FOXN4: variants seen among roughly 807,000 people sequenced by gnomAD.
FOXN4 encodes forkhead box N4.
In FOXN4, 12 loss-of-function variants were observed where a neutral mutation model predicts 45.0. The ratio of observed to expected loss-of-function variants is 0.27; its 90% CI spans 0.17 to 0.43. FOXN4 has a LOEUF of 0.43. Among genes scored for constraint, FOXN4 ranks in the 20% least tolerant of loss-of-function variants. FOXN4 has a pLI of 1.00. For missense variants in FOXN4, 560 were observed against 694.9 expected, an observed-to-expected ratio of 0.81 and a Z score of 2.18; for synonymous variants, 297 against 295.0, an observed-to-expected ratio of 1.01 and a Z score of -0.07.
Position 109,300,865 on chromosome 12 carries a change from C to T in FOXN4, c.86+7371G>A, listed in dbSNP as rs138423572. Among the ~76,000 whole-genome samples, 177 of 152,170 alleles carry T rather than the reference C, an allele frequency of 1.2e-3. 1 individual carries two copies. The highest frequency in any genetic ancestry group is 9.8e-4 in the Admixed American group (15 of 15,288). Reference sequence around the variant, plus strand: ...TTGAGGCTGCAGTGAGTTCTGATTACGCTGCTGCACTCCAGCCTGGGGGAC... The same window carrying T: ...TTGAGGCTGCAGTGAGTTCTGATTATGCTGCTGCACTCCAGCCTGGGGGAC... On this transcript the variant is annotated intron_variant, in intron 2 of 9. Transcript: ENST00000299162.
chr12:109,281,188 G>A (rs1211774010), intron 9 of FOXN4, among the ~76,000 whole-genome samples: 2 of 152,196 alleles, frequency 1.3e-5, no homozygotes, highest in African/African-American at 4.8e-5. Context: ...CTGCTCCAAC[G>A]AGCATGACAT....
chr12:109,284,863 C>G (rs999795937), intron 8 of FOXN4, among the ~76,000 whole-genome samples: 1 of 148,542 alleles, frequency 6.7e-6, no homozygotes, highest in Non-Finnish European at 1.5e-5. Context: ...GGTCCTTCCT[C>G]TTCTGCGTGT....
intron 8 of FOXN4, among the ~76,000 whole-genome samples, chr12:109,283,765 C>T (rs866289204): frequency 2.0e-5 from 3 of 152,184 alleles, no homozygotes; most frequent in African/African-American, 7.2e-5. Flanking sequence ...CATGAGCCAC[C>T]GCACCCGGCC....
chr12:109,299,325 G>A (rs1481417157), intron 2 of FOXN4, among the ~76,000 whole-genome samples: 3 of 151,960 alleles, frequency 2.0e-5, no homozygotes, highest in Admixed American at 1.3e-4. Context: ...ACACACGCAC[G>A]CATGCACACT....
rs267603293 is a variant in FOXN4, at chr12:109,285,491, C to T, written c.714G>A (p.Lys238=). ...PYFKTAPDGW[K]NSVRHNLSLN... is the part of the protein sequence containing the mutation. ...GAGACAGGTTGTGCCGCACCGAGTT[C>T]TTCCACCCGTCGGGGGCCGTCTATG... Residue 238 remains lysine, a synonymous_variant, in exon 8 of 10, where the codon AAG becomes AAA. Coordinates refer to ENST00000299162, the MANE Select transcript of FOXN4 (RefSeq NM_213596.3). The T allele has an allele frequency of 6.2e-7, 1 of 1,614,062 alleles. No individual in the cohort carries two copies. The highest frequency in any genetic ancestry group is 8.5e-7 in the Non-Finnish European group (1 of 1,179,946).
At chr12:109,304,052 G>A (rs565464855) in intron 2 of FOXN4, among the ~76,000 whole-genome samples, 4 of 151,706 alleles carry the variant, frequency 2.6e-5, no homozygotes, top group Admixed American at 1.3e-4. Context: ...TTAGCTGGGC[G>A]TGGTGATGGG....
Position 109,279,433 on chromosome 12 carries a change from C to A in FOXN4, c.*238G>T, listed in dbSNP as rs1242856883. The A allele has an allele frequency of 1.8e-5, 11 of 603,442 alleles. No homozygotes were observed. The African/African-American group carries it at 2.0e-4, about 11-fold the overall frequency. 37.4% of individuals were successfully genotyped at this position (603,442 alleles called of 1,614,324 possible). ...GGATGCTGGGTTGCTTGTCCACCTT[C>A]CTCCATTCTTCTGACTTGGAAGAGC... On this transcript the variant is annotated 3_prime_UTR_variant, in exon 10 of 10. Coordinates refer to ENST00000299162, the MANE Select transcript of FOXN4 (RefSeq NM_213596.3).
chr12:109,289,696 A>AG (rs1715362554), intron 3 of FOXN4, among the ~76,000 whole-genome samples: 1 of 152,196 alleles, frequency 6.6e-6, no homozygotes, highest in South Asian at 2.1e-4. Flanking sequence ...CCTCTTGATC[A>AG]GGGGGCAGCA....
chr12:109,305,719 C>T (rs879044425), intron 2 of FOXN4, among the ~76,000 whole-genome samples: 2 of 152,062 alleles, frequency 1.3e-5, no homozygotes, highest in Non-Finnish European at 2.9e-5. Flanking sequence ...GACAGAGTGA[C>T]TCACACACAC....
rs2047750711 is a variant in FOXN4, at chr12:109,290,001, C to A, written c.232+140G>T. 9.7e-7 allele frequency: 1 copy of A among 1,035,292 alleles called. No homozygotes were observed. Among genetic ancestry groups the A allele is most frequent in the Non-Finnish European group, 1.3e-6 (1 of 750,268 alleles). 64.1% of individuals were successfully genotyped at this position (1,035,292 alleles called of 1,614,324 possible). On this transcript the variant is annotated intron_variant, in intron 3 of 9. Transcript: ENST00000299162. The surrounding 1 kb of genome is among the most constrained non-coding windows in gnomAD (Gnocchi z 5.1). ...TCTCTCTAAGGAAGGGAGCATTTGT[C>A]CCATTTTACAGATGCAGAAAGAGAG... is the stretch of plus-strand genomic sequence containing the variant.
At chr12:109,286,968 G>C in intron 6 of FOXN4, 1 of 1,180,022 alleles carries the variant, frequency 8.5e-7, no homozygotes, top group Non-Finnish European at 1.1e-6. Context: ...GTACTGACTT[G>C]AGAAATCTTA....
At position 109,279,698 on chromosome 12, in the gene FOXN4, C is replaced by T; in HGVS notation, c.1527G>A (p.Gln509=). 6.4e-7 allele frequency: 1 copy of T among 1,574,054 alleles called. No homozygotes were observed. Among genetic ancestry groups the T allele is most frequent in the Non-Finnish European group, 8.6e-7 (1 of 1,160,604 alleles). ...AAAGCAGGGCTATAGGCTTGTTCCCCTGTGCACCCAGGTACTGGGAGGAGG... is the reference window on the plus strand; with the variant it reads ...AAAGCAGGGCTATAGGCTTGTTCCCTTGTGCACCCAGGTACTGGGAGGAGG... ...TSSSSQYLGA[Q]GNKPIALL The change falls in exon 10 of 10, where the codon CAG becomes CAA. Residue 509 remains glutamine, a synonymous_variant. Coordinates refer to ENST00000299162, the MANE Select transcript of FOXN4 (RefSeq NM_213596.3).
intron 7 of FOXN4, 147 bp downstream of exon 7, chr12:109,286,501 T>A (rs2136920550): frequency 1.4e-6 from 1 of 724,406 alleles, no homozygotes; most frequent in East Asian, 2.7e-5. Flanking sequence ...TTCTTCTGTG[T>A]GAGTGTGTGT....
intron 2 of FOXN4, among the ~76,000 whole-genome samples, chr12:109,294,904 C>A (rs554163043): frequency 5.3e-4 from 81 of 152,144 alleles, no homozygotes; most frequent in Non-Finnish European, 1.2e-3. Flanking sequence ...CCCATGTGCC[C>A]TCGCCTCTCC....
At position 109,304,292 on chromosome 12, in the gene FOXN4, AAAG is replaced by A. The variant is rs1566005746; in HGVS notation, c.86+3941_86+3943del. On this transcript the variant is annotated intron_variant, in intron 2 of 9. Transcript: ENST00000299162. The stretch of plus-strand genomic sequence containing the variant: ...GAAAGAAAGAAAGAAAGAAAGAAAG[AAAG>A]GAGAAAGAAAGAAGGAAAGAAGGAA... 5.3e-4 allele frequency among the ~76,000 whole-genome samples: 24 copies of A among 45,572 alleles called. 2 individuals carry two copies. The highest frequency in any genetic ancestry group is 9.8e-4 in the African/African-American group (9 of 9,188). 29.9% of individuals were successfully genotyped at this position (45,572 alleles called of 152,430 possible).
At position 109,279,747 on chromosome 12, in the gene FOXN4, C is replaced by T. The variant is rs1331153820; in HGVS notation, c.1478G>A (p.Ser493Asn). ...GLYTAYSTPDSVAASGTSSSS... is the reference protein window; with the variant it reads ...GLYTAYSTPDNVAASGTSSSS... ...GGAGCTGGTGCCCGATGCAGCCACA[C>T]TGTCCGGAGTGGAGTACGCTGTGTA... is the stretch of plus-strand genomic sequence containing the variant. The change falls in exon 10 of 10, where the codon AGT becomes AAT. Residue 493 changes from serine (S) to asparagine (N), a missense_variant. Ser to Asn is a conservative substitution (Grantham distance 46). Around this residue, in one of 5 missense-constraint regions of FOXN4, gnomAD observed 315 missense variants for 350.5 expected, o/e 0.90. Transcript: ENST00000299162. The T allele has an allele frequency of 3.8e-6, 6 of 1,587,974 alleles. No homozygotes were observed. The highest frequency in any genetic ancestry group is 5.1e-6 in the Non-Finnish European group (6 of 1,167,490).
chr12:109,298,190 G>A (rs553451401), intron 2 of FOXN4, among the ~76,000 whole-genome samples: 21 of 152,112 alleles, frequency 1.4e-4, no homozygotes, highest in African/African-American at 5.1e-4. Context: ...TGTAAAACAG[G>A]AGCTGTGCAT....
chr12:109,292,166 G>T (rs1479968202), intron 2 of FOXN4, among the ~76,000 whole-genome samples: 1 of 152,164 alleles, frequency 6.6e-6, no homozygotes, highest in African/African-American at 2.4e-5. Context: ...GGCGCCTGGT[G>T]GTGCAAGCCA....
At position 109,279,729 on chromosome 12, in the gene FOXN4, G is replaced by A; in HGVS notation, c.1496C>T (p.Thr499Ile). 1.3e-6 allele frequency: 2 copies of A among 1,578,174 alleles called. No homozygotes were observed. The highest frequency in any genetic ancestry group is 1.7e-6 in the Non-Finnish European group (2 of 1,162,542). Residue 499 changes from threonine to isoleucine, a missense_variant, in exon 10 of 10, where the codon ACC becomes ATC. By Grantham distance (89) the Thr-to-Ile change is moderately conservative. This residue lies in a region of FOXN4 where 315 missense variants were observed against 350.5 expected (regional missense o/e 0.90). Transcript: ENST00000299162. Reference sequence around the variant, plus strand: ...ACCCAGGTACTGGGAGGAGGAGCTGGTGCCCGATGCAGCCACACTGTCCGG... The same window carrying A: ...ACCCAGGTACTGGGAGGAGGAGCTGATGCCCGATGCAGCCACACTGTCCGG... ...STPDSVAASG[T>I]SSSSQYLGAQ... is the part of the protein sequence containing the mutation.
Sources: gnomAD v4.1 joint callset for allele counts (sites outside exome capture counted in the v4.1 genomes callset) on GRCh38, gnomAD v4.1.1 for gene constraint, gnomAD v4.1.1 regional missense constraint, Gnocchi (gnomAD v3.1) non-coding constraint, MANE v1.5 for transcripts, NCBI Gene and HGNC (gene_info 2026-07-23, HGNC 2026-07-21) for gene names.